The following ZC3H13 variants were observed in gnomAD, a reference collection of about 807,000 sequenced individuals.
ZC3H13 encodes the protein zinc finger CCCH-type containing 13.
A neutral mutation model predicts 204.1 loss-of-function variants in ZC3H13; 64 were observed. The observed-to-expected ratio is 0.31, with a 90% confidence interval of 0.26 to 0.39. The LOEUF is 0.39. Ranked by LOEUF, ZC3H13 falls within the 10% of genes least tolerant of loss-of-function variation. The probability of loss-of-function intolerance (pLI) is 1.00; values close to 1 mark genes in which losing one functional copy is unlikely to be tolerated. For missense variants in ZC3H13, 1,833 were observed against 2,082.7 expected (o/e 0.88, Z 2.33); for synonymous variants, 667 against 693.7 (o/e 0.96, Z 0.60).
chr13:45,989,830 T>C (rs1165277724), intron 8 of ZC3H13, among the ~76,000 whole-genome samples: 1 of 152,148 alleles, frequency 6.6e-6, no homozygotes, highest in Non-Finnish European at 1.5e-5. Flanking sequence ...CTAGAGTCTA[T>C]TATACCTGGG....
chr13:46,045,071 G>T lies in ZC3H13; in HGVS notation c.118-7C>A. Reference sequence around the variant, plus strand: ...GCCAGTTACGGCACTGTGTCTAAGAGACAGATATTACTATGTAAATTTCAT... The same window carrying T: ...GCCAGTTACGGCACTGTGTCTAAGATACAGATATTACTATGTAAATTTCAT... On this transcript the variant is annotated splice_polypyrimidine_tract_variant and splice_region_variant and intron_variant, in intron 2 of 18. Transcript: ENST00000679008. 1 of 1,593,826 alleles carries T rather than the reference G, an allele frequency of 6.3e-7. No homozygotes were observed. Among genetic ancestry groups the T allele is most frequent in the South Asian group, 1.1e-5 (1 of 87,786 alleles).
intron 4 of ZC3H13, among the ~76,000 whole-genome samples, chr13:46,033,604 T>C (rs2043031985): frequency 6.6e-6 from 1 of 152,190 alleles, no homozygotes; most frequent in South Asian, 2.1e-4. Flanking sequence ...TCTATACGCA[T>C]TTCCTAGGTA....
At position 46,030,730 on chromosome 13, in the gene ZC3H13, T is replaced by C. The variant is rs192139103; in HGVS notation, c.340-10173A>G. On this transcript the variant is annotated intron_variant, in intron 4 of 18. Coordinates refer to ENST00000679008, the MANE Select transcript of ZC3H13 (RefSeq NM_001330564.2). ...TCAGTATAGAAAAAAATGAAATACT[T>C]AAGGATAAATCTAGCAAAATATGCA... Among the ~76,000 whole-genome samples, 17 of 152,256 alleles carry C rather than the reference T, an allele frequency of 1.1e-4. No homozygotes were observed. The East Asian group carries it at 3.1e-3, about 28-fold the overall frequency.
rs761376101 is a variant in ZC3H13 at position 45,969,833 on chromosome 13, C to T, written c.2711G>A (p.Arg904His). ...RKPERKESSR[R>H]YEEQELKEKV... ...CTCCTTGAGTTCCTGTTCTTCGTAG[C>T]GCCTTGAACTCTCTTTCCTTTCTGG... The change falls in exon 14 of 19, where the codon CGC (arginine) becomes CAC (histidine). Residue 904 changes from arginine (R) to histidine (H), a missense_variant. Physicochemically the swap from Arg to His is conservative, Grantham distance 29. Coordinates refer to ENST00000679008, the MANE Select transcript of ZC3H13 (RefSeq NM_001330564.2). 6.8e-6 allele frequency: 11 copies of T among 1,613,932 alleles called. No homozygotes were observed. Among genetic ancestry groups the T allele is most frequent in the South Asian group, 3.3e-5 (3 of 91,088 alleles).
At chr13:46,042,818 TTAAG>T (rs1358051126) in intron 3 of ZC3H13, among the ~76,000 whole-genome samples, 1 of 152,010 alleles carries the variant, frequency 6.6e-6, no homozygotes. Flanking sequence ...TTTATGTACC[TTAAG>T]TAAGAATCAA....
Position 45,979,991 on chromosome 13 carries a change from T to C in ZC3H13, c.1734A>G (p.Ser578=). 6 of 1,599,846 alleles carry C rather than the reference T, an allele frequency of 3.8e-6. No individual in the cohort carries two copies. Among genetic ancestry groups the C allele is most frequent in the African/African-American group, 1.4e-5 (1 of 74,022 alleles). Residue 578 remains serine (S), a synonymous_variant, in exon 11 of 19, where the codon TCA becomes TCG. Coordinates refer to ENST00000679008, the MANE Select transcript of ZC3H13 (RefSeq NM_001330564.2). The part of the protein sequence containing the change: ...PELPEKGSRG[S]RGSQIDSHSS... ...TGTGACTATCAATTTGAGAACCTCT[T>C]GAGCCTCGACTTCCTAAACAAAGGA...
intron 9 of ZC3H13, among the ~76,000 whole-genome samples, chr13:45,988,362 A>G (rs971120769): frequency 6.6e-6 from 1 of 152,048 alleles, no homozygotes; most frequent in African/African-American, 2.4e-5. Flanking sequence ...GGTTCAAGCA[A>G]TTCTCCTGCC....
At position 45,963,970 on chromosome 13, in the gene ZC3H13, C is replaced by T; in HGVS notation, c.4547G>A (p.Gly1516Glu). The change falls in exon 17 of 19, where the codon GGG becomes GAG. Residue 1516 changes from glycine to glutamate, a missense_variant. Around this residue, in one of 5 missense-constraint regions of ZC3H13, gnomAD observed 211 missense variants for 228.4 expected, o/e 0.92. Coordinates refer to ENST00000679008, the MANE Select transcript of ZC3H13 (RefSeq NM_001330564.2). The stretch of plus-strand genomic sequence containing the variant: ...AGGTGTGAATTTTAAGAGTGCAGCC[C>T]CAGGCTCTCGTGGTTCTTTTGGATG... Reference protein sequence around the residue: ...PKHPKEPREPGAALLKFTPGA... With the variant: ...PKHPKEPREPEAALLKFTPGA... 1 of 1,614,084 alleles carries T rather than the reference C, an allele frequency of 6.2e-7. No individual in the cohort carries two copies. Among genetic ancestry groups the T allele is most frequent in the Non-Finnish European group, 8.5e-7 (1 of 1,180,000 alleles).
intron 18 of ZC3H13, 100 bp from the exon 19 acceptor site, chr13:45,957,397 G>GT: frequency 9.1e-7 from 1 of 1,095,036 alleles, no homozygotes; most frequent in Non-Finnish European, 1.2e-6. Context: ...AGTTATAAGA[G>GT]TATTTCATTT....
At chr13:46,046,446 CAGG>C (rs1171787354) in intron 1 of ZC3H13, among the ~76,000 whole-genome samples, 1 of 144,564 alleles carries the variant, frequency 6.9e-6, no homozygotes, top group Non-Finnish European at 1.5e-5. Context: ...ATCATGAGGT[CAGG>C]AGATCGAGAC....
In ZC3H13 at chr13:45,955,775, A is replaced by C; in HGVS notation, c.*1352T>G. 6.6e-6 allele frequency: 1 copy of C among 152,146 alleles called. No homozygotes were observed. The highest frequency in any genetic ancestry group is 1.9e-4 in the East Asian group (1 of 5,200). 9.4% of individuals were successfully genotyped at this position (152,146 alleles called of 1,614,324 possible). A position where few individuals can be genotyped will look rare whatever the true frequency, so the allele number is the denominator to read the frequency against. On this transcript the variant is annotated 3_prime_UTR_variant, in exon 19 of 19. Coordinates refer to ENST00000679008, the MANE Select transcript of ZC3H13 (RefSeq NM_001330564.2). ...TGTTTGCAATTATACATGCTTTCAA[A>C]GTCATTTGAAAGTAAGACCATTTCC...
intron 4 of ZC3H13, among the ~76,000 whole-genome samples, chr13:46,030,994 G>A (rs1469881157): frequency 1.3e-5 from 2 of 152,064 alleles, no homozygotes; most frequent in Non-Finnish European, 2.9e-5. Context: ...GAAGAACGAA[G>A]TCATGAGATT....
At chr13:46,023,711 A>T (rs566401254) in intron 4 of ZC3H13, among the ~76,000 whole-genome samples, 1 of 152,338 alleles carries the variant, frequency 6.6e-6, no homozygotes, top group South Asian at 2.1e-4. Flanking sequence ...CATAAAATGA[A>T]GTCTATATAT....
At chr13:46,012,050 A>G (rs1301298498) in intron 5 of ZC3H13, among the ~76,000 whole-genome samples, 1 of 152,230 alleles carries the variant, frequency 6.6e-6, no homozygotes, top group Admixed American at 6.5e-5. Context: ...CAAATGATTA[A>G]TATCTAAAAC....
chr13:46,026,296 T>A (rs1437806076), intron 4 of ZC3H13, among the ~76,000 whole-genome samples: 3 of 152,112 alleles, frequency 2.0e-5, no homozygotes, highest in African/African-American at 7.2e-5. Flanking sequence ...TAGTTAATAC[T>A]TCTGTATCTA....
chr13:46,031,317 G>A (rs1161509290), intron 4 of ZC3H13, among the ~76,000 whole-genome samples: 2 of 151,964 alleles, frequency 1.3e-5, no homozygotes, highest in African/African-American at 4.8e-5. Flanking sequence ...AGATCTTAAT[G>A]TAAGACAAAA....
At chr13:46,029,102 G>A (rs553113886) in intron 4 of ZC3H13, among the ~76,000 whole-genome samples, 23 of 152,090 alleles carry the variant, frequency 1.5e-4, no homozygotes, top group East Asian at 3.9e-4. Context: ...TTATCAATAG[G>A]AGAAACAAAG....
At chr13:46,036,474 G>T (rs1216481072) in intron 4 of ZC3H13, among the ~76,000 whole-genome samples, 1 of 151,886 alleles carries the variant, frequency 6.6e-6, no homozygotes, top group African/African-American at 2.4e-5. Context: ...GTTGGGGTGG[G>T]GTAGGAAACA....
chr13:46,014,966 A>C (rs913025096), intron 5 of ZC3H13, among the ~76,000 whole-genome samples: 2 of 152,210 alleles, frequency 1.3e-5, no homozygotes, highest in African/African-American at 2.4e-5. Flanking sequence ...TCTTAAAGAC[A>C]GATGAACTGT....
Sources: allele counts gnomAD v4.1 joint callset (sites outside exome capture counted in the v4.1 genomes callset), GRCh38; gene constraint gnomAD v4.1.1; regional missense constraint gnomAD v4.1.1; transcripts MANE v1.5; gene names NCBI Gene and HGNC (gene_info 2026-07-23, HGNC 2026-07-21).